CDC42EP3: variants seen among roughly 807,000 people sequenced by gnomAD.
CDC42EP3 encodes CDC42 effector protein 3.
Under a neutral mutation model 15.5 loss-of-function variants are expected in CDC42EP3, and 4 were observed. The ratio of observed to expected loss-of-function variants is 0.26; its 90% CI spans 0.13 to 0.59. The LOEUF (loss-of-function observed/expected upper bound fraction) is 0.59, where lower values mean the gene tolerates loss of function less well. Among genes scored for constraint, CDC42EP3 ranks in the 20% least tolerant of loss-of-function variants. The pLI, the probability that CDC42EP3 is intolerant of heterozygous loss-of-function variation, is 0.89. For missense variants in CDC42EP3, 309 were observed against 311.2 expected, an observed-to-expected ratio of 0.99 and a Z score of 0.05; for synonymous variants, 145 against 130.3, an observed-to-expected ratio of 1.11 and a Z score of -0.77.
intron 1 of CDC42EP3, among the ~76,000 whole-genome samples, chr2:37,666,458 A>G (rs1162139963): frequency 6.6e-6 from 1 of 152,224 alleles, no homozygotes; most frequent in Admixed American, 6.5e-5. Context: ...ATGGTTTAAC[A>G]AAGGGCCAAA....
chr2:37,656,477 G>A (rs1260939286), intron 1 of CDC42EP3, among the ~76,000 whole-genome samples: 1 of 152,190 alleles, frequency 6.6e-6, no homozygotes. Context: ...GTCTACAGAG[G>A]CTCTCTGGAA....
chr2:37,672,181 C>G (rs1301821997), upstream of CDC42EP3: 1 of 152,220 alleles, frequency 6.6e-6, no homozygotes, highest in African/African-American at 2.4e-5. Context: ...CCCTCTCAGC[C>G]CGGGCTCCGG....
intron 1 of CDC42EP3, among the ~76,000 whole-genome samples, chr2:37,662,140 C>CT (rs1376155074): frequency 1.3e-5 from 2 of 151,996 alleles, no homozygotes; most frequent in Non-Finnish European, 2.9e-5. Flanking sequence ...AATCAAAATA[C>CT]TTTTTACCAG....
intron 1 of CDC42EP3, among the ~76,000 whole-genome samples, chr2:37,653,179 C>T (rs1665741986): frequency 6.6e-6 from 1 of 152,210 alleles, no homozygotes; most frequent in Admixed American, 6.5e-5. Context: ...AAGGGTCCAG[C>T]TTGCCAGTCA....
rs1665299952 is a variant in CDC42EP3 at position 37,642,468 on chromosome 2, A to T, written c.*3355T>A. 6.6e-6 allele frequency: 1 copy of T among 152,220 alleles called. No individual in the cohort carries two copies. Among genetic ancestry groups the T allele is most frequent in the African/African-American group, 2.4e-5 (1 of 41,456 alleles). 9.4% of individuals were successfully genotyped at this position (152,220 alleles called of 1,614,324 possible). ...AAGAAAAAATAAGTCAATCATTCAG[A>T]TTAATCTGGGAGGCTAATTCTAAAA... On this transcript the variant is annotated 3_prime_UTR_variant, in exon 2 of 2. Coordinates refer to ENST00000295324, the MANE Select transcript of CDC42EP3 (RefSeq NM_006449.5).
In CDC42EP3 at chr2:37,659,414, T is replaced by C. The variant is rs560348743; in HGVS notation, c.-236+12012A>G. 1.0e-3 allele frequency among the ~76,000 whole-genome samples: 159 copies of C among 152,328 alleles called. No homozygotes were observed. The Middle Eastern group carries it at 0.017, about 16-fold the overall frequency. On this transcript the variant is annotated intron_variant, in intron 1 of 1. Coordinates refer to ENST00000295324, the MANE Select transcript of CDC42EP3 (RefSeq NM_006449.5). ...ACCTTCCCCTATCCATGCAGGGTAATAATTTAACAGTGTATCAATGCAAGC... is the reference window on the plus strand; with the variant it reads ...ACCTTCCCCTATCCATGCAGGGTAACAATTTAACAGTGTATCAATGCAAGC...
chr2:37,670,244 C>T (rs1175102369), intron 1 of CDC42EP3, among the ~76,000 whole-genome samples: 1 of 152,166 alleles, frequency 6.6e-6, no homozygotes, highest in Non-Finnish European at 1.5e-5. Context: ...ATCTGCTGCT[C>T]TCCTAATTTT....
intron 1 of CDC42EP3, among the ~76,000 whole-genome samples, chr2:37,650,358 ATTAC>A (rs1249078701): frequency 6.6e-6 from 1 of 152,168 alleles, no homozygotes; most frequent in Non-Finnish European, 1.5e-5. Flanking sequence ...ATCTTTGCCA[ATTAC>A]TTACTTAGGC....
rs777864045 is a variant in CDC42EP3 at position 37,645,999 on chromosome 2, G to C, written c.589C>G (p.Pro197Ala). ...SHSSSLSEQY[P>A]DWPAEDMFDH... is the part of the protein sequence containing the mutation. ...AACATGTCCTCGGCTGGCCAGTCGGGGTACTGTTCGGACAGGCTGGAGGAG... is the reference window on the plus strand; with the variant it reads ...AACATGTCCTCGGCTGGCCAGTCGGCGTACTGTTCGGACAGGCTGGAGGAG... Residue 197 changes from proline (P) to alanine (A), a missense_variant, in exon 2 of 2, where the codon CCC (proline) becomes GCC (alanine). Pro to Ala is a conservative substitution (Grantham distance 27). Coordinates refer to ENST00000295324, the MANE Select transcript of CDC42EP3 (RefSeq NM_006449.5). 2 of 1,613,822 alleles carry C rather than the reference G, an allele frequency of 1.2e-6. No individual in the cohort carries two copies. Among genetic ancestry groups the C allele is most frequent in the African/African-American group, 1.3e-5 (1 of 74,916 alleles).
chr2:37,663,915 C>T (rs1240446474), intron 1 of CDC42EP3, among the ~76,000 whole-genome samples: 1 of 152,138 alleles, frequency 6.6e-6, no homozygotes, highest in East Asian at 1.9e-4. Flanking sequence ...TGGCTCATGC[C>T]TGTAATCCCA....
chr2:37,646,307 A>C lies in CDC42EP3; in HGVS notation c.281T>G (p.Val94Gly). ...FFRANSTSDS[V>G]FTETPSPVLK... ...CACCGGGGAGGGCGTTTCTGTGAAC[A>C]CAGAGTCCGAGGTGCTGTTGGCCCG... is the stretch of plus-strand genomic sequence containing the variant. Residue 94 changes from valine (V) to glycine (G), a missense_variant, in exon 2 of 2, where the codon GTG (valine) becomes GGG (glycine). Val to Gly is a moderately radical substitution (Grantham distance 109, BLOSUM62 -3). Transcript: ENST00000295324. 4.3e-6 allele frequency: 7 copies of C among 1,614,152 alleles called. No individual in the cohort carries two copies. Among genetic ancestry groups the C allele is most frequent in the Non-Finnish European group, 5.9e-6 (7 of 1,180,026 alleles).
intron 1 of CDC42EP3, among the ~76,000 whole-genome samples, chr2:37,648,041 G>A (rs1038738103): frequency 8.5e-5 from 13 of 152,184 alleles, no homozygotes; most frequent in East Asian, 1.9e-4. Flanking sequence ...GTTTGTGGTC[G>A]TTTGTTACCA....
In CDC42EP3 at chr2:37,669,233, T is replaced by TAA. The variant is rs577020049; in HGVS notation, c.-236+2191_-236+2192dup. 9.5e-3 allele frequency among the ~76,000 whole-genome samples: 1,156 copies of TAA among 121,330 alleles called. 9 individuals carry two copies. The highest frequency in any genetic ancestry group is 0.04 in the Middle Eastern group (10 of 248). 79.6% of individuals were successfully genotyped at this position (121,330 alleles called of 152,430 possible). A position where few individuals can be genotyped will look rare whatever the true frequency, so the allele number is the denominator to read the frequency against. ...ATTTGTGAAAAATCTATGGCCTGGC[T>TAA]AAAAAAAAAAAAAAAAAAAAATCTT... is the stretch of plus-strand genomic sequence containing the variant. On this transcript the variant is annotated intron_variant, in intron 1 of 1. Coordinates refer to ENST00000295324, the MANE Select transcript of CDC42EP3 (RefSeq NM_006449.5).
At position 37,646,733 on chromosome 2, in the gene CDC42EP3, G is replaced by T. The variant is rs574624980; in HGVS notation, c.-146C>A. 2 of 786,170 alleles carry T rather than the reference G, an allele frequency of 2.5e-6. No homozygotes were observed. Among genetic ancestry groups the T allele is most frequent in the Admixed American group, 2.7e-5 (1 of 37,066 alleles). 48.7% of individuals were successfully genotyped at this position (786,170 alleles called of 1,614,324 possible). A position where few individuals can be genotyped will look rare whatever the true frequency, so the allele number is the denominator to read the frequency against. On this transcript the variant is annotated 5_prime_UTR_variant, in exon 2 of 2. Transcript: ENST00000295324. Reference sequence around the variant, plus strand: ...AGAAGTGGCTTCGAAATGAGATGGGGTCAAAGAGAACCTTCCTGAGGTTAC... The same window carrying T: ...AGAAGTGGCTTCGAAATGAGATGGGTTCAAAGAGAACCTTCCTGAGGTTAC...
intron 1 of CDC42EP3, among the ~76,000 whole-genome samples, chr2:37,650,589 G>A (rs930659711): frequency 4.6e-5 from 7 of 152,178 alleles, no homozygotes; most frequent in Non-Finnish European, 7.3e-5. Flanking sequence ...GATCACTACT[G>A]ACGAACTGAT....
chr2:37,647,686 G>A (rs1665521835), intron 1 of CDC42EP3: 1 of 152,522 alleles, frequency 6.6e-6, no homozygotes, highest in Non-Finnish European at 1.5e-5. Context: ...TTTGTGAGTA[G>A]AACCTGTGAC....
chr2:37,663,502 G>A (rs1463867389), intron 1 of CDC42EP3, among the ~76,000 whole-genome samples: 1 of 152,206 alleles, frequency 6.6e-6, no homozygotes, highest in Admixed American at 6.5e-5. Flanking sequence ...CCCAGGGCAC[G>A]AGAAAGCATT....
chr2:37,663,323 T>G (rs1051859823), intron 1 of CDC42EP3, among the ~76,000 whole-genome samples: 4 of 152,150 alleles, frequency 2.6e-5, no homozygotes, highest in Admixed American at 1.3e-4. Context: ...GCCGCAGCAA[T>G]GATGCACTCC....
intron 1 of CDC42EP3, among the ~76,000 whole-genome samples, chr2:37,663,216 C>T (rs1170239175): frequency 6.6e-6 from 1 of 152,190 alleles, no homozygotes; most frequent in Non-Finnish European, 1.5e-5. Context: ...ACCAACCTTC[C>T]ATGTGCCTCC....
Sources: allele counts gnomAD v4.1 joint callset (sites outside exome capture counted in the v4.1 genomes callset), GRCh38; gene constraint gnomAD v4.1.1; transcripts MANE v1.5; gene names NCBI Gene and HGNC (gene_info 2026-07-23, HGNC 2026-07-21).